Variants in GRM7 observed in about 807,000 individuals in gnomAD.
The protein encoded by GRM7 is metabotropic glutamate receptor 7.
In GRM7, 35 loss-of-function variants were observed where a neutral mutation model predicts 84.5. The observed-to-expected ratio is 0.41, with a 90% CI of 0.32 to 0.55. The LOEUF is 0.55. GRM7 is among the 20% of genes least tolerant of loss of function. The pLI is 0.19. For synonymous variants in GRM7, 487 were observed against 455.1 expected (o/e 1.07, Z -0.89); for missense variants, 1,003 against 1,194.6 (o/e 0.84, Z 2.36).
chr3:7,462,435 C>T (rs965428059), intron 7 of GRM7, among the ~76,000 whole-genome samples: 2 of 152,174 alleles, frequency 1.3e-5, no homozygotes, highest in African/African-American at 2.4e-5. Context: ...CTAGAATATT[C>T]GACCAACTAT....
At position 7,648,553 on chromosome 3, in the gene GRM7, G is replaced by T. The variant is rs549441488; in HGVS notation, c.2452-31496G>T. ...AACCCTAGCTACTCAGGAGGCTGAG[G>T]CAGGAGAATCGCTTGAACCTAGGAG... On this transcript the variant is annotated intron_variant, in intron 8 of 9. Transcript: ENST00000357716. 2.9e-4 allele frequency among the ~76,000 whole-genome samples: 44 copies of T among 152,072 alleles called. 1 individual carries two copies. In the South Asian group the frequency reaches 7.3e-3, roughly 25 times the overall value.
At chr3:6,902,832 C>T (rs890376420) in intron 1 of GRM7, among the ~76,000 whole-genome samples, 2 of 142,510 alleles carry the variant, frequency 1.4e-5, no homozygotes, top group Admixed American at 7.2e-5. Context: ...TTAAACAACA[C>T]GATCACAAAC....
At chr3:6,902,615 G>A (rs1696428008) in intron 1 of GRM7, among the ~76,000 whole-genome samples, 1 of 151,982 alleles carries the variant, frequency 6.6e-6, no homozygotes, top group Non-Finnish European at 1.5e-5. Flanking sequence ...ATGCTTCTAA[G>A]ATTTAGTCTT....
At chr3:7,020,889 G>T (rs1381178769) in intron 1 of GRM7, among the ~76,000 whole-genome samples, 1 of 152,130 alleles carries the variant, frequency 6.6e-6, no homozygotes, top group African/African-American at 2.4e-5. Flanking sequence ...AATTGAGCTT[G>T]ATGACAGTCA....
At chr3:7,214,177 T>C (rs974514773) in intron 2 of GRM7, among the ~76,000 whole-genome samples, 3 of 150,436 alleles carry the variant, frequency 2.0e-5, no homozygotes, top group African/African-American at 4.9e-5. Flanking sequence ...AAATGAAGCA[T>C]CTTATATTGC....
intron 4 of GRM7, 64 bp downstream of exon 4, chr3:7,306,716 C>G (rs576864666): frequency 1.4e-6 from 2 of 1,384,972 alleles, no homozygotes; most frequent in African/African-American, 1.5e-5. Context: ...AATGGCCAAG[C>G]ATGTGACTTT....
chr3:7,606,425 G>T (rs1167120268), intron 8 of GRM7, among the ~76,000 whole-genome samples: 1 of 152,182 alleles, frequency 6.6e-6, no homozygotes, highest in Non-Finnish European at 1.5e-5. Context: ...TCAGAGGTGG[G>T]TGATTTGGAC....
intron 1 of GRM7, among the ~76,000 whole-genome samples, chr3:7,130,211 A>G (rs1489109251): frequency 6.6e-6 from 1 of 152,166 alleles, no homozygotes; most frequent in Non-Finnish European, 1.5e-5. Context: ...AAGAGAACAC[A>G]ATTCCCAAGT....
At chr3:7,119,486 G>A (rs1418297673) in intron 1 of GRM7, among the ~76,000 whole-genome samples, 1 of 152,098 alleles carries the variant, frequency 6.6e-6, no homozygotes, top group African/African-American at 2.4e-5. Context: ...CAAAGTGCTT[G>A]TGATAACATC....
At chr3:6,923,136 T>C (rs2125034250) in intron 1 of GRM7, among the ~76,000 whole-genome samples, 1 of 152,230 alleles carries the variant, frequency 6.6e-6, no homozygotes, top group African/African-American at 2.4e-5. Context: ...CACCTCAGCT[T>C]CCCGAGTAGC....
rs1697163984 is a variant in GRM7, at chr3:7,617,730, A to G, written c.2451+38373A>G. On this transcript the variant is annotated intron_variant, in intron 8 of 9. Coordinates refer to ENST00000357716, the MANE Select transcript of GRM7 (RefSeq NM_000844.4). ...TGAATAAAACAACAGCGCAAGTATC[A>G]AGACATTTAATATCTTACCAGAGAT... 2.0e-5 allele frequency among the ~76,000 whole-genome samples: 3 copies of G among 152,192 alleles called. No individual in the cohort carries two copies. In the South Asian group the frequency reaches 6.2e-4, roughly 31 times the overall value.
intron 8 of GRM7, among the ~76,000 whole-genome samples, chr3:7,592,628 C>A (rs1387092992): frequency 6.6e-6 from 1 of 152,208 alleles, no homozygotes; most frequent in East Asian, 1.9e-4. Context: ...TCAAAAGGAT[C>A]AAGCTGATCC....
intron 7 of GRM7, among the ~76,000 whole-genome samples, chr3:7,507,965 C>T (rs1430922737): frequency 2.6e-5 from 4 of 152,154 alleles, no homozygotes; most frequent in Non-Finnish European, 5.9e-5. Flanking sequence ...TCCTCTTCCT[C>T]TATGCTTACT....
intron 5 of GRM7, among the ~76,000 whole-genome samples, chr3:7,420,914 A>C (rs1696366632): frequency 6.6e-6 from 1 of 152,162 alleles, no homozygotes. Flanking sequence ...TCTTCAAGTT[A>C]AAATGGTCTG....
chr3:7,625,170 G>T, intron 8 of GRM7, among the ~76,000 whole-genome samples: 1 of 152,280 alleles, frequency 6.6e-6, no homozygotes, highest in South Asian at 2.1e-4. Context: ...ATCAAGGAGA[G>T]AAACTCTTTA....
chr3:7,577,646 A>G (rs559307072), intron 7 of GRM7, among the ~76,000 whole-genome samples: 4 of 152,346 alleles, frequency 2.6e-5, no homozygotes, highest in South Asian at 2.1e-4. Flanking sequence ...GTTTCAATTA[A>G]GCAAATACAT....
chr3:7,399,121 C>T (rs1402591195), intron 4 of GRM7, among the ~76,000 whole-genome samples: 1 of 151,810 alleles, frequency 6.6e-6, no homozygotes, highest in Non-Finnish European at 1.5e-5. Context: ...CTTCCACCTT[C>T]CACTTAAGCT....
rs1176146756 is a variant in GRM7, at chr3:7,567,747, C to CAAA, written c.1516-10639_1516-10637dup. ...TGGGTGACAGAGTGAGACTCCATCT[C>CAAA]AAAAAAAAAAAAAAAAAAAAAAAAA... On this transcript the variant is annotated intron_variant, in intron 7 of 9. Transcript: ENST00000357716. Among the ~76,000 whole-genome samples the CAAA allele has an allele frequency of 1.7e-3, 77 of 45,824 alleles. 17 individuals carry two copies. The highest frequency in any genetic ancestry group is 2.8e-3 in the Non-Finnish European group (71 of 25,176). 30.1% of individuals were successfully genotyped at this position (45,824 alleles called of 152,430 possible). A position where few individuals can be genotyped will look rare whatever the true frequency, so the allele number is the denominator to read the frequency against.
chr3:6,901,415 C>T (rs1482875649), intron 1 of GRM7, among the ~76,000 whole-genome samples: 10 of 151,740 alleles, frequency 6.6e-5, no homozygotes, highest in African/African-American at 1.9e-4. Context: ...CTGGCCAACA[C>T]GGTGAAACCC....
Sources: gnomAD v4.1 joint callset for allele counts (sites outside exome capture counted in the v4.1 genomes callset) on GRCh38, gnomAD v4.1.1 for gene constraint, MANE v1.5 for transcripts, NCBI Gene and HGNC (gene_info 2026-07-23, HGNC 2026-07-21) for gene names.